Variants in ADGRA3 observed in about 807,000 individuals in gnomAD.
ADGRA3 encodes the protein adhesion G protein-coupled receptor A3, also known as G-protein coupled receptor 125.
ADGRA3 carries 56 observed loss-of-function variants against 119.8 expected under a neutral mutation model. The ratio of observed to expected loss-of-function variants is 0.47; its 90% CI spans 0.38 to 0.58. ADGRA3 has a LOEUF of 0.58. Ranked by LOEUF, ADGRA3 falls within the 20% of genes least tolerant of loss-of-function variation. ADGRA3 has a pLI of 0.00. For missense variants in ADGRA3, 1,516 were observed against 1,649.0 expected (o/e 0.92, Z 1.40); for synonymous variants, 607 against 623.8 (o/e 0.97, Z 0.40).
At chr4:22,495,908 C>CAA (rs1297158054) in intron 1 of ADGRA3, among the ~76,000 whole-genome samples, 78 of 115,016 alleles carry the variant, frequency 6.8e-4, no homozygotes, top group African/African-American at 2.4e-3. Flanking sequence ...GACTCCGTCT[C>CAA]AAAAAAAAAA....
At chr4:22,416,341 T>G (rs1577334450) in intron 12 of ADGRA3, among the ~76,000 whole-genome samples, 1 of 152,166 alleles carries the variant, frequency 6.6e-6, no homozygotes, top group African/African-American at 2.4e-5. Flanking sequence ...TAAGATCCTT[T>G]GGGAAAAACA....
intron 4 of ADGRA3, among the ~76,000 whole-genome samples, chr4:22,453,792 C>T (rs1717148927): frequency 6.6e-6 from 1 of 152,134 alleles, no homozygotes; most frequent in Non-Finnish European, 1.5e-5. Context: ...CAAAATAAAG[C>T]TGTATTATAA....
At chr4:22,413,952 TA>T in intron 12 of ADGRA3, 138 bp from the exon 13 acceptor site, 1 of 572,330 alleles carries the variant, frequency 1.7e-6, no homozygotes, top group East Asian at 2.9e-5. Context: ...ATTTAACAGT[TA>T]AAAAAATCAT....
chr4:22,410,584 A>T (rs540933171), intron 14 of ADGRA3, among the ~76,000 whole-genome samples: 1 of 152,202 alleles, frequency 6.6e-6, no homozygotes, highest in African/African-American at 2.4e-5. Context: ...ATAAAAGGAT[A>T]TATTAAGATG....
At chr4:22,468,595 C>T (rs1717746669) in intron 2 of ADGRA3, among the ~76,000 whole-genome samples, 1 of 151,870 alleles carries the variant, frequency 6.6e-6, no homozygotes. Context: ...GTGGTGAAAC[C>T]CCATCTCTAC....
chr4:22,442,533 T>A (rs1251333375), intron 7 of ADGRA3, 117 bp downstream of exon 7: 2 of 648,354 alleles, frequency 3.1e-6, no homozygotes, highest in Admixed American at 6.9e-5. Context: ...GATGTTTGCA[T>A]TTTTAAATAC....
At chr4:22,468,852 C>G (rs535607902) in intron 2 of ADGRA3, among the ~76,000 whole-genome samples, 1 of 151,552 alleles carries the variant, frequency 6.6e-6, no homozygotes, top group South Asian at 2.1e-4. Flanking sequence ...ATATAAAAGT[C>G]TCAGTGCTAA....
chr4:22,466,109 C>T (rs1717648154), intron 2 of ADGRA3, among the ~76,000 whole-genome samples: 1 of 152,166 alleles, frequency 6.6e-6, no homozygotes, highest in South Asian at 2.1e-4. Flanking sequence ...AAAAGATCCA[C>T]AGTCCCTCAG....
At chr4:22,472,362 C>T (rs1377178911) in intron 2 of ADGRA3, among the ~76,000 whole-genome samples, 1 of 152,130 alleles carries the variant, frequency 6.6e-6, no homozygotes, top group Non-Finnish European at 1.5e-5. Context: ...CATTCCTGAA[C>T]CAGCAGTGAC....
At chr4:22,474,827 C>T (rs890648237) in intron 1 of ADGRA3, among the ~76,000 whole-genome samples, 1 of 152,306 alleles carries the variant, frequency 6.6e-6, no homozygotes, top group Admixed American at 6.5e-5. Context: ...CCATCACACA[C>T]AGCATTGCAT....
intron 7 of ADGRA3, among the ~76,000 whole-genome samples, chr4:22,442,049 G>A (rs1038697762): frequency 4.6e-5 from 7 of 152,118 alleles, no homozygotes; most frequent in South Asian, 2.1e-4. Context: ...TAGGTAGGTG[G>A]AAAGAAAGAA....
chr4:22,415,351 G>T (rs2323522), intron 12 of ADGRA3, among the ~76,000 whole-genome samples: 96,664 of 151,906 alleles, frequency 0.64, 32,968 homozygotes, highest in Non-Finnish European at 0.77. Context: ...AAGTATTTTA[G>T]ATGTTTGTAT....
chr4:22,463,179 C>G (rs1028130193), intron 2 of ADGRA3, among the ~76,000 whole-genome samples: 33 of 152,300 alleles, frequency 2.2e-4, no homozygotes, highest in African/African-American at 7.9e-4. Flanking sequence ...GCAACCTTGC[C>G]CATTCTTTAT....
chr4:22,515,615 C>G lies in ADGRA3; in HGVS notation c.170G>C (p.Gly57Ala), dbSNP rs780815306. The G allele has an allele frequency of 6.5e-7, 1 of 1,544,910 alleles. No individual in the cohort carries two copies. Among genetic ancestry groups the G allele is most frequent in the African/African-American group, 1.4e-5 (1 of 70,642 alleles). The change falls in exon 1 of 19, where the codon GGC becomes GCC. Residue 57 changes from glycine to alanine, a missense_variant. Around this residue, in one of 2 missense-constraint regions of ADGRA3, gnomAD observed 428 missense variants for 541.9 expected, o/e 0.79. Coordinates refer to ENST00000334304, the MANE Select transcript of ADGRA3 (RefSeq NM_145290.4). The part of the protein sequence containing the change: ...GRPRGAGRAA[G>A]AAEGKVVCSS... ...GCACACCACCTTGCCCTCGGCGGCG[C>G]CCGCCGCCCTGCCAGCCCCTCGGGG... is the stretch of plus-strand genomic sequence containing the variant.
intron 1 of ADGRA3, among the ~76,000 whole-genome samples, chr4:22,491,458 T>A (rs1002091465): frequency 1.3e-5 from 2 of 152,196 alleles, no homozygotes; most frequent in African/African-American, 4.8e-5. Flanking sequence ...CAGGTTCCCT[T>A]GAGCCCTCTT....
chr4:22,511,677 G>A (rs1719450207), intron 1 of ADGRA3, among the ~76,000 whole-genome samples: 1 of 152,016 alleles, frequency 6.6e-6, no homozygotes, highest in Admixed American at 6.6e-5. Flanking sequence ...TCAAACCAGG[G>A]AGCCTGGCCA....
At chr4:22,454,779 A>T in intron 4 of ADGRA3, 87 bp downstream of exon 4, 1 of 978,218 alleles carries the variant, frequency 1.0e-6, no homozygotes, top group South Asian at 1.3e-5. Context: ...GTTGCTACTT[A>T]TAATTAAATA....
chr4:22,500,848 C>A (rs139529508), intron 1 of ADGRA3, among the ~76,000 whole-genome samples: 5 of 152,118 alleles, frequency 3.3e-5, no homozygotes, highest in African/African-American at 9.7e-5. Context: ...GTAGACTGGT[C>A]CTCTTTAAGT....
chr4:22,438,222 T>C (rs1716471474), intron 8 of ADGRA3, 34 bp downstream of exon 8: 1 of 1,584,554 alleles, frequency 6.3e-7, no homozygotes, highest in Non-Finnish European at 8.6e-7. Flanking sequence ...CTGGGACAAA[T>C]TAAACTTTTC....
Sources: gnomAD v4.1 joint callset for allele counts (sites outside exome capture counted in the v4.1 genomes callset) on GRCh38, gnomAD v4.1.1 for gene constraint, gnomAD v4.1.1 regional missense constraint, MANE v1.5 for transcripts, NCBI Gene and HGNC (gene_info 2026-07-23, HGNC 2026-07-21) for gene names.